DOP1B: variants seen among roughly 807,000 people sequenced by gnomAD.
The protein encoded by DOP1B is DOP1 leucine zipper like protein B, also known as protein DOP1B.
Under a neutral mutation model 233.5 loss-of-function variants are expected in DOP1B, and 174 were observed. The observed-to-expected ratio is 0.75, with a 90% confidence interval of 0.66 to 0.85. DOP1B has a LOEUF of 0.85. Among genes scored for constraint, DOP1B ranks in the 40% least tolerant of loss-of-function variants. DOP1B has a pLI of 0.00. For synonymous variants in DOP1B, 1,190 were observed against 1,185.6 expected (o/e 1.00, Z -0.08); for missense variants, 2,652 against 2,846.6 (o/e 0.93, Z 1.56).
intron 23 of DOP1B, among the ~76,000 whole-genome samples, chr21:36,257,909 GTAGA>G (rs149226951): frequency 0.011 from 1,702 of 150,084 alleles, 39 homozygotes; most frequent in African/African-American, 0.04. Context: ...ATGTAGGTAG[GTAGA>G]TAGATGTAGG....
Position 36,219,498 on chromosome 21 carries a change from G to A in DOP1B, c.1250+6G>A, listed in dbSNP as rs1358830292. On this transcript the variant is annotated splice_donor_region_variant and intron_variant, in intron 10 of 36. Transcript: ENST00000691173. ...AGTGGAAATTCGCTGATAAGGTATG[G>A]GTTTGGCCTTGAACCTCACGCATCT... 2 of 1,613,774 alleles carry A rather than the reference G, an allele frequency of 1.2e-6. No individual in the cohort carries two copies. The highest frequency in any genetic ancestry group is 1.7e-6 in the Non-Finnish European group (2 of 1,179,930).
In DOP1B at chr21:36,225,634, C is replaced by A; in HGVS notation, c.1440C>A (p.Ala480=). 1 of 1,614,190 alleles carries A rather than the reference C, an allele frequency of 6.2e-7. No homozygotes were observed. The highest frequency in any genetic ancestry group is 8.5e-7 in the Non-Finnish European group (1 of 1,180,038). Reference sequence around the variant, plus strand: ...CCCCCACGGTCTCGGAGCTCTGCGCCCTCCTGGTCTTCCTGCTGGATGTCA... The same window carrying A: ...CCCCCACGGTCTCGGAGCTCTGCGCACTCCTGGTCTTCCTGCTGGATGTCA... ...SPPPTVSELC[A]LLVFLLDVIP... Residue 480 remains alanine, a synonymous_variant, in exon 12 of 37, where the codon GCC becomes GCA. Coordinates refer to ENST00000691173, the MANE Select transcript of DOP1B (RefSeq NM_001320714.2).
chr21:36,233,076 G>T lies in DOP1B; in HGVS notation c.2622+1G>T. 6.2e-7 allele frequency: 1 copy of T among 1,613,814 alleles called. No homozygotes were observed. ...TGCAGAGAAAACAGATTTCTATCAG[G>T]TATTTCCCACTGGGAACACTCTTCT... On this transcript the variant is annotated splice_donor_variant, in intron 15 of 36. Coordinates refer to ENST00000691173, the MANE Select transcript of DOP1B (RefSeq NM_001320714.2). LOFTEE classifies it high-confidence loss of function.
At chr21:36,211,763 T>G (rs1331512831) in intron 6 of DOP1B, 112 bp downstream of exon 6, 1 of 1,329,566 alleles carries the variant, frequency 7.5e-7, no homozygotes, top group African/African-American at 1.5e-5. Flanking sequence ...GGGCATTATT[T>G]GCTGGTAGCC....
chr21:36,249,396 C>G (rs147521167), intron 21 of DOP1B, among the ~76,000 whole-genome samples: 9,692 of 152,252 alleles, frequency 0.064, 461 homozygotes, highest in African/African-American at 0.14. Flanking sequence ...CCAGTGCACT[C>G]AAGCCTGGGT....
Position 36,212,029 on chromosome 21 carries a change from C to CA in DOP1B, c.837dup (p.Ala280SerfsTer36), listed in dbSNP as rs778180129. On this transcript the variant is annotated frameshift_variant, in exon 7 of 37. Coordinates refer to ENST00000691173, the MANE Select transcript of DOP1B (RefSeq NM_001320714.2). LOFTEE classifies it high-confidence loss of function. Reference sequence around the variant, plus strand: ...AGATCTGACATCGTGCGCATTCTCTCAGCCGCCACCCAGACCCTACTGAGA... The same window carrying CA: ...AGATCTGACATCGTGCGCATTCTCTCAAGCCGCCACCCAGACCCTACTGAGA... 1 of 1,614,042 alleles carries CA rather than the reference C, an allele frequency of 6.2e-7. No individual in the cohort carries two copies. Among genetic ancestry groups the CA allele is most frequent in the Non-Finnish European group, 8.5e-7 (1 of 1,179,998 alleles).
At chr21:36,219,329 G>C (rs1444694286) in intron 9 of DOP1B, 43 bp from the exon 10 acceptor site, 1 of 1,612,706 alleles carries the variant, frequency 6.2e-7, no homozygotes, top group South Asian at 1.1e-5. Flanking sequence ...TGATTTAAAG[G>C]GGATTGTTAA....
chr21:36,269,865 C>T, intron 26 of DOP1B, 148 bp from the exon 27 acceptor site: 1 of 775,758 alleles, frequency 1.3e-6, no homozygotes, highest in Non-Finnish European at 2.1e-6. Flanking sequence ...TTATTTTTAC[C>T]TTCAATGTGG....
In DOP1B at chr21:36,260,608, T is replaced by C. The variant is rs187531275; in HGVS notation, c.5260-69T>C. ...TTGTTAGGCTATAGATCTGTTTCATTTTGTATCTGAATTCTTTTAGCCTTA... is the reference window on the plus strand; with the variant it reads ...TTGTTAGGCTATAGATCTGTTTCATCTTGTATCTGAATTCTTTTAGCCTTA... On this transcript the variant is annotated intron_variant, in intron 23 of 36. Coordinates refer to ENST00000691173, the MANE Select transcript of DOP1B (RefSeq NM_001320714.2). The C allele has an allele frequency of 9.9e-5, 158 of 1,601,670 alleles. 2 individuals are homozygous for C. The Admixed American group carries it at 1.2e-3, about 12-fold the overall frequency.
At chr21:36,247,909 T>G (rs2066987879) in intron 20 of DOP1B, among the ~76,000 whole-genome samples, 1 of 152,270 alleles carries the variant, frequency 6.6e-6, no homozygotes, top group South Asian at 2.1e-4. Flanking sequence ...AAACATAGTT[T>G]TCTTCCTGCT....
chr21:36,267,289 A>G (rs980722689), intron 26 of DOP1B, among the ~76,000 whole-genome samples: 1 of 152,176 alleles, frequency 6.6e-6, no homozygotes, highest in Non-Finnish European at 1.5e-5. Context: ...TATTTCTTGT[A>G]TATTATTGAA....
chr21:36,157,775 C>G (rs1035876827), intron 1 of DOP1B, among the ~76,000 whole-genome samples: 3 of 152,172 alleles, frequency 2.0e-5, no homozygotes, highest in African/African-American at 7.2e-5. Context: ...GGATCATTAT[C>G]AATTTTATTA....
At chr21:36,201,696 C>T (rs13049228) in intron 4 of DOP1B, among the ~76,000 whole-genome samples, 1 of 152,024 alleles carries the variant, frequency 6.6e-6, no homozygotes, top group South Asian at 2.1e-4. Context: ...TAGGCTGCTT[C>T]TAAATTAAAA....
In DOP1B at chr21:36,251,153, A is replaced by G. The variant is rs757912573; in HGVS notation, c.4999-9A>G. 11 of 1,597,240 alleles carry G rather than the reference A, an allele frequency of 6.9e-6. No individual in the cohort carries two copies. Among genetic ancestry groups the G allele is most frequent in the South Asian group, 1.1e-5 (1 of 88,130 alleles). On this transcript the variant is annotated splice_polypyrimidine_tract_variant and intron_variant, in intron 21 of 36. Coordinates refer to ENST00000691173, the MANE Select transcript of DOP1B (RefSeq NM_001320714.2). Reference sequence around the variant, plus strand: ...ACTCTGCAGTAACTTTTTTTTCCCTATTTTCTAGACCATAAGACAAAAAAT... The same window carrying G: ...ACTCTGCAGTAACTTTTTTTTCCCTGTTTTCTAGACCATAAGACAAAAAAT...
At position 36,257,390 on chromosome 21, in the gene DOP1B, C is replaced by G. The variant is rs573596566; in HGVS notation, c.5260-3287C>G. ...TAATACAGTGACTGGGGAAACCTAG[C>G]AGGGCCTGCCTGTTCAGATTCTTCT... On this transcript the variant is annotated intron_variant, in intron 23 of 36. Transcript: ENST00000691173. Among the ~76,000 whole-genome samples the G allele has an allele frequency of 2.6e-5, 4 of 152,312 alleles. No homozygotes were observed. The South Asian group carries it at 6.2e-4, about 24-fold the overall frequency.
In DOP1B at chr21:36,289,113, T is replaced by C. The variant is rs749652610; in HGVS notation, c.6422T>C (p.Ile2141Thr). 22 of 1,613,972 alleles carry C rather than the reference T, an allele frequency of 1.4e-5. No homozygotes were observed. Among genetic ancestry groups the C allele is most frequent in the Non-Finnish European group, 1.7e-5 (20 of 1,179,970 alleles). The change falls in exon 35 of 37, where the codon ATA becomes ACA. Residue 2141 changes from isoleucine to threonine, a missense_variant. Coordinates refer to ENST00000691173, the MANE Select transcript of DOP1B (RefSeq NM_001320714.2). ...GCAAATGGACCCTCAGTGGGGGAGATACCCCAGAGTGAACTCATCTTGTAT... is the reference window on the plus strand; with the variant it reads ...GCAAATGGACCCTCAGTGGGGGAGACACCCCAGAGTGAACTCATCTTGTAT... The part of the protein sequence containing the change: ...PDANGPSVGE[I>T]PQSELILYLS...
intron 10 of DOP1B, among the ~76,000 whole-genome samples, chr21:36,220,611 A>G (rs1293970490): frequency 6.6e-6 from 1 of 150,836 alleles, no homozygotes; most frequent in Non-Finnish European, 1.5e-5. Flanking sequence ...AGCGATCCTC[A>G]CGCCTCAGCC....
chr21:36,265,239 T>C (rs2067218157), intron 26 of DOP1B, among the ~76,000 whole-genome samples: 1 of 151,750 alleles, frequency 6.6e-6, no homozygotes, highest in South Asian at 2.1e-4. Context: ...CTACTGAAAA[T>C]ACAAAAATTA....
intron 1 of DOP1B, among the ~76,000 whole-genome samples, chr21:36,159,913 G>A (rs1341940082): frequency 6.6e-6 from 1 of 152,132 alleles, no homozygotes; most frequent in East Asian, 1.9e-4. Flanking sequence ...AGGCCACTTT[G>A]TCCACCCTCT....
Sources: allele counts gnomAD v4.1 joint callset (sites outside exome capture counted in the v4.1 genomes callset), GRCh38; gene constraint gnomAD v4.1.1; transcripts MANE v1.5; gene names NCBI Gene and HGNC (gene_info 2026-07-23, HGNC 2026-07-21).